The following CDH10 variants were observed in gnomAD, a reference collection of about 807,000 sequenced individuals.
CDH10 encodes the protein cadherin-10.
Under a neutral mutation model 73.1 loss-of-function variants are expected in CDH10, and 30 were observed. The ratio of observed to expected loss-of-function variants is 0.41; its 90% CI spans 0.31 to 0.56. CDH10 has a LOEUF of 0.56. Among genes scored for constraint, CDH10 ranks in the 20% least tolerant of loss-of-function variants. The pLI is 0.27. For missense variants in CDH10, 815 were observed against 973.7 expected, an observed-to-expected ratio of 0.84 and a Z score of 2.17; for synonymous variants, 345 against 348.2, an observed-to-expected ratio of 0.99 and a Z score of 0.10.
Position 24,593,530 on chromosome 5 carries a change from G to GTGGTCCTAT in CDH10, c.-49_-41dup. ...CAAATCCCAGTGTAGATGAAGAGAA[G>GTGGTCCTAT]TGGTCCTATTTTACCCAGTTGGTTT... On this transcript the variant is annotated 5_prime_UTR_variant, in exon 2 of 12. Coordinates refer to ENST00000264463, the MANE Select transcript of CDH10 (RefSeq NM_006727.5). 2 of 1,170,992 alleles carry GTGGTCCTAT rather than the reference G, an allele frequency of 1.7e-6. No individual in the cohort carries two copies. Among genetic ancestry groups the GTGGTCCTAT allele is most frequent in the Non-Finnish European group, 2.6e-6 (2 of 781,466 alleles). 72.5% of individuals were successfully genotyped at this position (1,170,992 alleles called of 1,614,324 possible).
chr5:24,491,932 T>C (rs1452656350), intron 10 of CDH10, 105 bp from the exon 11 acceptor site: 1 of 655,482 alleles, frequency 1.5e-6, no homozygotes, highest in African/African-American at 1.8e-5. Context: ...ATGTAAAATA[T>C]AAAATTGATA....
intron 1 of CDH10, among the ~76,000 whole-genome samples, chr5:24,616,046 CTG>C (rs1364156331): frequency 6.6e-6 from 1 of 151,302 alleles, no homozygotes; most frequent in Non-Finnish European, 1.5e-5. Flanking sequence ...GGAATGTTGA[CTG>C]TAATTATTTT....
chr5:24,502,163 C>T lies in CDH10; in HGVS notation c.1393+2949G>A, dbSNP rs1182820476. On this transcript the variant is annotated intron_variant, in intron 8 of 11. Transcript: ENST00000264463. ...GGTCTCGATCACCTGACCTCGTGATCCGCCCGCCTTGGCCTCCCAAAGTGC... is the reference window on the plus strand; with the variant it reads ...GGTCTCGATCACCTGACCTCGTGATTCGCCCGCCTTGGCCTCCCAAAGTGC... Among the ~76,000 whole-genome samples the T allele has an allele frequency of 2.6e-5, 4 of 152,226 alleles. No homozygotes were observed. The East Asian group carries it at 5.8e-4, about 22-fold the overall frequency.
chr5:24,617,614 T>C (rs1342716655), intron 1 of CDH10, among the ~76,000 whole-genome samples: 1 of 152,214 alleles, frequency 6.6e-6, no homozygotes, highest in African/African-American at 2.4e-5. Context: ...TACCATTTAA[T>C]ATTTATTAGA....
intron 2 of CDH10, among the ~76,000 whole-genome samples, chr5:24,561,472 A>C (rs554948284): frequency 6.6e-6 from 1 of 152,264 alleles, no homozygotes; most frequent in South Asian, 2.1e-4. Flanking sequence ...AACTTAATTT[A>C]AGGGTAATTT....
intron 5 of CDH10, among the ~76,000 whole-genome samples, chr5:24,532,026 G>A (rs1377004887): frequency 1.3e-5 from 2 of 152,020 alleles, no homozygotes; most frequent in Non-Finnish European, 2.9e-5. Flanking sequence ...ATTGCCAAAT[G>A]TCCAGGGCCA....
chr5:24,616,843 G>T (rs1395395492), intron 1 of CDH10, among the ~76,000 whole-genome samples: 1 of 152,112 alleles, frequency 6.6e-6, no homozygotes, highest in Non-Finnish European at 1.5e-5. Context: ...GGTCCTCAGA[G>T]TGCATATACT....
intron 1 of CDH10, among the ~76,000 whole-genome samples, chr5:24,616,212 C>T (rs1037825555): frequency 7.3e-5 from 11 of 151,560 alleles, no homozygotes; most frequent in Admixed American, 3.3e-4. Flanking sequence ...CTTCCATTTT[C>T]TCATTTTTCT....
intron 5 of CDH10, among the ~76,000 whole-genome samples, chr5:24,529,406 T>C (rs1463019695): frequency 6.6e-6 from 1 of 151,992 alleles, no homozygotes; most frequent in African/African-American, 2.4e-5. Flanking sequence ...TTCAGTTTAT[T>C]TGTATACTCA....
intron 5 of CDH10, among the ~76,000 whole-genome samples, chr5:24,528,058 A>G (rs1405756513): frequency 6.6e-6 from 1 of 151,916 alleles, no homozygotes; most frequent in Non-Finnish European, 1.5e-5. Context: ...TGAATGCTTT[A>G]ATAACATAAT....
At chr5:24,545,312 G>A (rs1317407297) in intron 2 of CDH10, among the ~76,000 whole-genome samples, 1 of 152,280 alleles carries the variant, frequency 6.6e-6, no homozygotes, top group South Asian at 2.1e-4. Context: ...ATGTACACAG[G>A]TGTCTAGGAA....
At chr5:24,633,896 C>G (rs1747785834) in intron 1 of CDH10, among the ~76,000 whole-genome samples, 2 of 151,696 alleles carry the variant, frequency 1.3e-5, no homozygotes. Flanking sequence ...TACTATAGAA[C>G]AATAATTCTC....
intron 1 of CDH10, among the ~76,000 whole-genome samples, chr5:24,617,961 A>C (rs943752657): frequency 6.6e-6 from 1 of 152,172 alleles, no homozygotes; most frequent in African/African-American, 2.4e-5. Context: ...TCTATTTTAC[A>C]TATCAGTGTC....
chr5:24,509,865 T>G, intron 6 of CDH10, 46 bp from the exon 7 acceptor site: 1 of 1,481,200 alleles, frequency 6.8e-7, no homozygotes, highest in Non-Finnish European at 9.3e-7. Context: ...GGAAATTGGA[T>G]GATATGCTCC....
intron 2 of CDH10, among the ~76,000 whole-genome samples, chr5:24,580,004 G>A (rs947893384): frequency 6.6e-6 from 1 of 152,058 alleles, no homozygotes; most frequent in Admixed American, 6.6e-5. Flanking sequence ...AATAAAAGCA[G>A]ATTTATAGTC....
chr5:24,610,868 C>G (rs1024969570), intron 1 of CDH10, among the ~76,000 whole-genome samples: 4 of 152,268 alleles, frequency 2.6e-5, no homozygotes, highest in Middle Eastern at 3.4e-3. Flanking sequence ...GTAACAATTG[C>G]TCCTTTGCAG....
intron 2 of CDH10, among the ~76,000 whole-genome samples, chr5:24,560,114 C>T (rs941342576): frequency 2.6e-5 from 4 of 152,066 alleles, no homozygotes; most frequent in African/African-American, 9.7e-5. Flanking sequence ...ATCCCAGATG[C>T]TCAACTTAAA....
chr5:24,521,813 A>G (rs1022463713), intron 5 of CDH10, among the ~76,000 whole-genome samples: 6 of 152,102 alleles, frequency 3.9e-5, no homozygotes, highest in Admixed American at 6.6e-5. Flanking sequence ...GAGCTGGAGG[A>G]AAAAAGGAAG....
chr5:24,584,704 A>C (rs1378566722), intron 2 of CDH10, among the ~76,000 whole-genome samples: 4 of 150,960 alleles, frequency 2.6e-5, no homozygotes, highest in Non-Finnish European at 4.4e-5. Flanking sequence ...CTCCTGACCT[A>C]GTGATCCACC....
Sources: allele counts gnomAD v4.1 joint callset (sites outside exome capture counted in the v4.1 genomes callset), GRCh38; gene constraint gnomAD v4.1.1; transcripts MANE v1.5; gene names NCBI Gene and HGNC (gene_info 2026-07-23, HGNC 2026-07-21).